DNAJA4: variants seen among roughly 807,000 people sequenced by gnomAD.
The protein encoded by DNAJA4 is DnaJ heat shock protein family (Hsp40) member A4.
Under a neutral mutation model 39.7 loss-of-function variants are expected in DNAJA4, and 32 were observed. The observed-to-expected ratio is 0.81, with a 90% confidence interval of 0.61 to 1.08. The LOEUF (loss-of-function observed/expected upper bound fraction) is 1.08, where lower values mean the gene tolerates loss of function less well. Among genes scored for constraint, DNAJA4 ranks in the 50% least tolerant of loss-of-function variants. The pLI, the probability that DNAJA4 is intolerant of heterozygous loss-of-function variation, is 0.00. For synonymous variants in DNAJA4, 184 were observed against 182.4 expected (o/e 1.01, Z -0.07); for missense variants, 439 against 505.1 (o/e 0.87, Z 1.25).
intron 1 of DNAJA4, among the ~76,000 whole-genome samples, 187 bp downstream of exon 1, chr15:78,265,082 G>C (rs975550490): frequency 6.6e-6 from 1 of 152,130 alleles, no homozygotes; most frequent in Admixed American, 6.5e-5. Context: ...GGTGGAGGGC[G>C]CTTCGCCCGC....
intron 3 of DNAJA4, 113 bp from the exon 4 acceptor site, chr15:78,274,084 T>C (rs1317768977): frequency 2.3e-6 from 2 of 856,092 alleles, no homozygotes; most frequent in East Asian, 5.3e-5. Flanking sequence ...GTAAATAGAA[T>C]TCTAAGCCCA....
Position 78,279,056 on chromosome 15 carries a change from C to G in DNAJA4, c.878-989C>G, listed in dbSNP as rs953077601. The G allele has an allele frequency of 1.3e-5, 2 of 152,160 alleles. No individual in the cohort carries two copies. The highest frequency in any genetic ancestry group is 2.9e-5 in the Non-Finnish European group (2 of 68,080). 9.4% of individuals were successfully genotyped at this position (152,160 alleles called of 1,614,324 possible). A position where few individuals can be genotyped will look rare whatever the true frequency, so the allele number is the denominator to read the frequency against. ...TTAGCTAAGGGGTTGCTGTCCTGCA[C>G]AGTCAGTAGGCTCTGAAGGCCATGT... On this transcript the variant is annotated intron_variant, in intron 5 of 6. Transcript: ENST00000394852. The surrounding 1 kb of genome is among the most constrained non-coding windows in gnomAD (Gnocchi z 4.5).
chr15:78,267,848 C>A (rs184019098), intron 1 of DNAJA4, among the ~76,000 whole-genome samples: 1 of 152,246 alleles, frequency 6.6e-6, no homozygotes, highest in East Asian at 1.9e-4. Context: ...CAAGTTGTTA[C>A]GTAGTCTTCA....
upstream of DNAJA4, chr15:78,264,272 A>C: frequency 7.6e-7 from 1 of 1,308,652 alleles, no homozygotes; most frequent in South Asian, 1.8e-5. Flanking sequence ...CAGTTGTCGG[A>C]GGGCGCCCTC....
chr15:78,276,637 G>A lies in DNAJA4; in HGVS notation c.877+909G>A, dbSNP rs555835565. Reference sequence around the variant, plus strand: ...TCTGGATGGGTGTGGTGGCGGCTACGCCACCGAAGCAGCCTGGGCCCCAGC... The same window carrying A: ...TCTGGATGGGTGTGGTGGCGGCTACACCACCGAAGCAGCCTGGGCCCCAGC... On this transcript the variant is annotated intron_variant, in intron 5 of 6. Transcript: ENST00000394852. Among the ~76,000 whole-genome samples, 39 of 152,374 alleles carry A rather than the reference G, an allele frequency of 2.6e-4. 1 individual carries two copies. Among genetic ancestry groups the A allele is most frequent in the Admixed American group, 1.7e-3 (26 of 15,312 alleles).
chr15:78,278,347 C>T (rs1369430455), intron 5 of DNAJA4: 3 of 452,632 alleles, frequency 6.6e-6, no homozygotes, highest in African/African-American at 4.0e-5. Context: ...TGTAACTTAA[C>T]GAAGGGGATA....
intron 1 of DNAJA4, among the ~76,000 whole-genome samples, chr15:78,267,136 A>ATGTGTGTG: frequency 9.7e-6 from 1 of 103,274 alleles, no homozygotes; most frequent in African/African-American, 3.8e-5. Flanking sequence ...GTGAGTGTGT[A>ATGTGTGTG]TGTGAGTGTG....
At chr15:78,278,010 T>A in intron 5 of DNAJA4, 1 of 455,446 alleles carries the variant, frequency 2.2e-6, no homozygotes, top group South Asian at 1.6e-5. Flanking sequence ...GTTTCTCCAT[T>A]TTCTCTTCTC....
At position 78,279,431 on chromosome 15, in the gene DNAJA4, G is replaced by A. The variant is rs749326584; in HGVS notation, c.878-614G>A. 1.9e-4 allele frequency: 29 copies of A among 154,434 alleles called. No individual in the cohort carries two copies. Among genetic ancestry groups the A allele is most frequent in the Middle Eastern group, 3.4e-3 (1 of 294 alleles). 9.6% of individuals were successfully genotyped at this position (154,434 alleles called of 1,614,324 possible). A position where few individuals can be genotyped will look rare whatever the true frequency, so the allele number is the denominator to read the frequency against. On this transcript the variant is annotated intron_variant, in intron 5 of 6. Transcript: ENST00000394852. The surrounding 1 kb of genome is among the most constrained non-coding windows in gnomAD (Gnocchi z 4.5). ...CTGAACTCCTCTGATGCCTTCCAAA[G>A]TCACGTAGCTGTAAGACCCAGCGGG...
Position 78,275,739 on chromosome 15 carries a change from A to T in DNAJA4, c.877+11A>T, listed in dbSNP as rs769010222. ...TTACATCCAAAGCAGGTAATGTTTC[A>T]AAGTGTGTTTCCATTGATGTTCTGT... On this transcript the variant is annotated intron_variant, in intron 5 of 6. Transcript: ENST00000394852. 6 of 1,573,510 alleles carry T rather than the reference A, an allele frequency of 3.8e-6. No individual in the cohort carries two copies. Among genetic ancestry groups the T allele is most frequent in the Non-Finnish European group, 4.3e-6 (5 of 1,149,470 alleles).
Position 78,264,685 on chromosome 15 carries a change from CA to C in DNAJA4, c.-78del. The C allele has an allele frequency of 7.6e-6, 9 of 1,189,442 alleles. No individual in the cohort carries two copies. Among genetic ancestry groups the C allele is most frequent in the Non-Finnish European group, 9.5e-6 (9 of 944,610 alleles). The allele number at this position is 1,189,442 out of a possible 1,614,324, so 73.7% of individuals were successfully genotyped here. On this transcript the variant is annotated 5_prime_UTR_variant, in exon 1 of 7. Coordinates refer to ENST00000394852, the MANE Select transcript of DNAJA4 (RefSeq NM_001130182.2). ...GCGAGCGGGCGGCGGGGGCGCGGGC[CA>C]GGGGCGCGGGCCAGGGTGCCGGCAG...
At chr15:78,272,164 G>A (rs903576290) in intron 2 of DNAJA4, among the ~76,000 whole-genome samples, 3 of 152,014 alleles carry the variant, frequency 2.0e-5, no homozygotes, top group African/African-American at 4.8e-5. Context: ...GTGAAACCCC[G>A]TCTCTACTAA....
intron 1 of DNAJA4, chr15:78,265,623 T>C: frequency 1.4e-6 from 1 of 702,366 alleles, no homozygotes; most frequent in Middle Eastern, 2.3e-4. Flanking sequence ...AGCTTTTCCA[T>C]CCTGTTTACA....
At chr15:78,271,411 G>A (rs1483857537) in intron 2 of DNAJA4, among the ~76,000 whole-genome samples, 2 of 152,178 alleles carry the variant, frequency 1.3e-5, no homozygotes, top group South Asian at 2.1e-4. Flanking sequence ...TGACCTGGGC[G>A]TGGGCTGCAG....
At chr15:78,274,097 G>A in intron 3 of DNAJA4, 100 bp from the exon 4 acceptor site, 1 of 989,136 alleles carries the variant, frequency 1.0e-6, no homozygotes, top group Non-Finnish European at 1.5e-6. Flanking sequence ...TAAGCCCATT[G>A]TCCAATGTGA....
chr15:78,269,443 C>G (rs1471679589), intron 1 of DNAJA4, among the ~76,000 whole-genome samples: 1 of 152,166 alleles, frequency 6.6e-6, no homozygotes, highest in South Asian at 2.1e-4. Flanking sequence ...ACAATGAACA[C>G]CTATGTATTC....
intron 1 of DNAJA4, among the ~76,000 whole-genome samples, chr15:78,265,123 C>G (rs538417056): frequency 1.3e-5 from 2 of 152,316 alleles, no homozygotes; most frequent in South Asian, 4.1e-4. Flanking sequence ...CACTTGGGTC[C>G]CTCGCGAGTC....
intron 4 of DNAJA4, 190 bp from the exon 5 acceptor site, chr15:78,275,308 T>C: frequency 1.7e-6 from 1 of 580,254 alleles, no homozygotes; most frequent in South Asian, 2.2e-5. Context: ...GGCCCCACAT[T>C]ATGCCAAGGG....
intron 1 of DNAJA4, among the ~76,000 whole-genome samples, chr15:78,267,184 G>GTGTGAGTGTGTA (rs2049158740): frequency 6.7e-5 from 5 of 74,134 alleles, no homozygotes; most frequent in African/African-American, 1.5e-4. Context: ...GTGTGTGAGT[G>GTGTGAGTGTGTA]TGTGTGTGAG....
Sources: gnomAD v4.1 joint callset for allele counts (sites outside exome capture counted in the v4.1 genomes callset) on GRCh38, gnomAD v4.1.1 for gene constraint, Gnocchi (gnomAD v3.1) non-coding constraint, MANE v1.5 for transcripts, NCBI Gene and HGNC (gene_info 2026-07-23, HGNC 2026-07-21) for gene names.